CADPS2: variants seen among roughly 807,000 people sequenced by gnomAD.
The protein encoded by CADPS2 is calcium-dependent secretion activator 2.
Under a neutral mutation model 172.5 loss-of-function variants are expected in CADPS2, and 93 were observed. That is an observed-to-expected ratio of 0.54 (90% CI 0.46 to 0.64). The LOEUF (loss-of-function observed/expected upper bound fraction) is 0.64. Ranked by LOEUF, CADPS2 falls within the 30% of genes least tolerant of loss-of-function variation. The probability of loss-of-function intolerance (pLI) is 0.00; values close to 1 mark genes in which losing one functional copy is unlikely to be tolerated. For missense variants in CADPS2, 1,420 were observed against 1,565.9 expected (o/e 0.91, Z 1.57); for synonymous variants, 546 against 555.2 (o/e 0.98, Z 0.23).
chr7:122,460,414 G>A (rs1029393801), intron 14 of CADPS2, among the ~76,000 whole-genome samples: 5 of 151,932 alleles, frequency 3.3e-5, no homozygotes, highest in African/African-American at 1.2e-4. Context: ...TAATTTGGAT[G>A]AGCTGCTAAG....
chr7:122,441,597 CAA>C (rs2051363903), intron 15 of CADPS2, 22 bp from the exon 16 acceptor site: 2 of 1,463,114 alleles, frequency 1.4e-6, no homozygotes, highest in Non-Finnish European at 1.8e-6. Flanking sequence ...AAAGAAAGAA[CAA>C]AAGAGTCAAA....
chr7:122,659,825 T>C (rs905141479), intron 3 of CADPS2, among the ~76,000 whole-genome samples: 4 of 151,738 alleles, frequency 2.6e-5, no homozygotes, highest in Admixed American at 1.3e-4. Context: ...TCAGAAATCA[T>C]GCAAACAAAA....
At chr7:122,458,434 T>C (rs937567240) in intron 14 of CADPS2, among the ~76,000 whole-genome samples, 1 of 152,194 alleles carries the variant, frequency 6.6e-6, no homozygotes, top group African/African-American at 2.4e-5. Context: ...CAGTGTCCTT[T>C]TACTTCCCCT....
intron 8 of CADPS2, among the ~76,000 whole-genome samples, chr7:122,527,643 TGTGTGTG>T (rs2061378116): frequency 2.7e-5 from 4 of 150,304 alleles, no homozygotes; most frequent in African/African-American, 7.3e-5. Flanking sequence ...TGTGTGTGTG[TGTGTGTG>T]TGTTTCCTGC....
At chr7:122,597,176 G>C (rs1046787069) in intron 6 of CADPS2, among the ~76,000 whole-genome samples, 2 of 152,176 alleles carry the variant, frequency 1.3e-5, no homozygotes, top group African/African-American at 4.8e-5. Context: ...ACTACATGAG[G>C]CTTGGGGGGT....
rs1027042495 is a variant in CADPS2, at chr7:122,419,566, T to A, written c.2477-3402A>T. ...CTAATTTTTGTATGTAGAGGCATTT[T>A]TGGGGTGGGGGAGAAAGACCGTATC... On this transcript the variant is annotated intron_variant, in intron 17 of 29. Transcript: ENST00000449022. Among the ~76,000 whole-genome samples, 2 of 152,080 alleles carry A rather than the reference T, an allele frequency of 1.3e-5. 1 individual carries two copies. The highest frequency in any genetic ancestry group is 4.1e-4 in the South Asian group (2 of 4,822).
chr7:122,515,166 G>T (rs1410592167), intron 8 of CADPS2, among the ~76,000 whole-genome samples: 1 of 152,098 alleles, frequency 6.6e-6, no homozygotes, highest in African/African-American at 2.4e-5. Flanking sequence ...AGTTTTTGGT[G>T]AACTTCTATT....
Position 122,673,152 on chromosome 7 carries a change from T to C in CADPS2, c.454-9583A>G, listed in dbSNP as rs547928937. Among the ~76,000 whole-genome samples the C allele has an allele frequency of 1.4e-4, 22 of 152,304 alleles. No individual in the cohort carries two copies. In the East Asian group the frequency reaches 3.7e-3, roughly 25 times the overall value. On this transcript the variant is annotated intron_variant, in intron 2 of 29. Coordinates refer to ENST00000449022, the MANE Select transcript of CADPS2 (RefSeq NM_017954.11). Reference sequence around the variant, plus strand: ...CCTTCGCTGTGAGTGTTACAGCTCTTAAAGGCGGTGCGGACCCAAAGAGTG... The same window carrying C: ...CCTTCGCTGTGAGTGTTACAGCTCTCAAAGGCGGTGCGGACCCAAAGAGTG...
intron 1 of CADPS2, among the ~76,000 whole-genome samples, chr7:122,779,367 C>T (rs1007865377): frequency 6.6e-6 from 1 of 152,086 alleles, no homozygotes; most frequent in Non-Finnish European, 1.5e-5. Flanking sequence ...AGAGTGGAAG[C>T]TAGCAAGACA....
chr7:122,482,110 G>C (rs1390870344), intron 11 of CADPS2, among the ~76,000 whole-genome samples: 2 of 151,474 alleles, frequency 1.3e-5, no homozygotes, highest in Non-Finnish European at 2.9e-5. Flanking sequence ...TTATGTGCAA[G>C]CAACAATAGC....
intron 2 of CADPS2, among the ~76,000 whole-genome samples, chr7:122,707,870 A>G (rs1281571225): frequency 6.6e-6 from 1 of 151,696 alleles, no homozygotes; most frequent in African/African-American, 2.4e-5. Context: ...GGTTAAAAAA[A>G]CTTCATAGTT....
At chr7:122,378,465 C>T (rs1025272191) in intron 25 of CADPS2, among the ~76,000 whole-genome samples, 1 of 152,116 alleles carries the variant, frequency 6.6e-6, no homozygotes, top group Non-Finnish European at 1.5e-5. Flanking sequence ...GCTTACTTTG[C>T]ATTCCTTAAA....
chr7:122,698,681 C>T (rs2085537879), intron 2 of CADPS2: 2 of 1,613,858 alleles, frequency 1.2e-6, no homozygotes, highest in South Asian at 1.1e-5. Context: ...TGGATTTTTC[C>T]CTCTGGTGGC....
intron 1 of CADPS2, among the ~76,000 whole-genome samples, chr7:122,791,398 G>A (rs17683699): frequency 0.039 from 5,910 of 151,622 alleles, 172 homozygotes; most frequent in Non-Finnish European, 0.061. Context: ...ATCTTCCATG[G>A]GTCATTTTCT....
chr7:122,482,745 T>G (rs1586506620), intron 11 of CADPS2, among the ~76,000 whole-genome samples: 1 of 151,788 alleles, frequency 6.6e-6, no homozygotes, highest in South Asian at 2.1e-4. Flanking sequence ...TCTCCCTGAG[T>G]TCAAAAGATG....
intron 27 of CADPS2, chr7:122,357,535 T>C (rs879346323): frequency 2.6e-5 from 4 of 152,170 alleles, no homozygotes; most frequent in Admixed American, 2.6e-4. Flanking sequence ...CTTTTTGCTA[T>C]AAAGTTTGGT....
intron 1 of CADPS2, among the ~76,000 whole-genome samples, chr7:122,821,210 C>A (rs1045083916): frequency 1.2e-4 from 19 of 152,066 alleles, no homozygotes; most frequent in African/African-American, 3.9e-4. Context: ...TCCTGTTCCT[C>A]ACCCTGATCA....
intron 6 of CADPS2, among the ~76,000 whole-genome samples, chr7:122,595,803 C>A (rs1711832985): frequency 6.6e-6 from 1 of 152,004 alleles, no homozygotes; most frequent in Non-Finnish European, 1.5e-5. Flanking sequence ...ACACAAACAT[C>A]CCAGATGCCA....
intron 3 of CADPS2, among the ~76,000 whole-genome samples, chr7:122,631,762 G>A (rs1293241674): frequency 6.6e-6 from 1 of 151,866 alleles, no homozygotes. Flanking sequence ...ATTACATGTT[G>A]TTGAGGTTGA....
Sources: gnomAD v4.1 joint callset for allele counts (sites outside exome capture counted in the v4.1 genomes callset) on GRCh38, gnomAD v4.1.1 for gene constraint, MANE v1.5 for transcripts, NCBI Gene and HGNC (gene_info 2026-07-23, HGNC 2026-07-21) for gene names.